Variants in KIF16B observed in about 807,000 individuals in gnomAD.
KIF16B encodes kinesin-like protein KIF16B.
In KIF16B, 98 loss-of-function variants were observed where a neutral mutation model predicts 156.3. That is an observed-to-expected ratio of 0.63 (90% CI 0.53 to 0.74). KIF16B has a LOEUF of 0.74. Ranked by LOEUF, KIF16B falls within the 30% of genes least tolerant of loss-of-function variation. The pLI is 0.00. For synonymous variants in KIF16B, 564 were observed against 583.7 expected, an observed-to-expected ratio of 0.97 and a Z score of 0.49; for missense variants, 1,421 against 1,606.5, an observed-to-expected ratio of 0.88 and a Z score of 1.97.
intron 25 of KIF16B, among the ~76,000 whole-genome samples, chr20:16,297,877 A>G (rs962628714): frequency 1.3e-5 from 2 of 152,072 alleles, no homozygotes; most frequent in South Asian, 2.1e-4. Context: ...TTAGGCCACA[A>G]TCATGTCTCC....
intron 15 of KIF16B, among the ~76,000 whole-genome samples, chr20:16,417,921 T>C (rs894659675): frequency 2.0e-5 from 3 of 151,852 alleles, no homozygotes; most frequent in Admixed American, 6.6e-5. Context: ...TTTTGTGTAA[T>C]TGTAGTCGCA....
intron 12 of KIF16B, among the ~76,000 whole-genome samples, chr20:16,469,498 T>C (rs1178726921): frequency 6.8e-6 from 1 of 146,112 alleles, no homozygotes; most frequent in Non-Finnish European, 1.5e-5. Context: ...ATCAAGGAAA[T>C]GTATAGCATT....
chr20:16,407,040 A>G (rs540833469), intron 15 of KIF16B, among the ~76,000 whole-genome samples: 11 of 152,344 alleles, frequency 7.2e-5, no homozygotes, highest in African/African-American at 2.4e-4. Context: ...ATTCCACATT[A>G]GACCCATAAG....
At chr20:16,511,382 A>G in intron 6 of KIF16B, 36 bp downstream of exon 6, 1 of 1,137,954 alleles carries the variant, frequency 8.8e-7, no homozygotes, top group South Asian at 1.5e-5. Flanking sequence ...TACATAGATC[A>G]CAAAAAGAAT....
intron 25 of KIF16B, among the ~76,000 whole-genome samples, chr20:16,292,405 A>G (rs1454100738): frequency 6.6e-6 from 1 of 152,236 alleles, no homozygotes; most frequent in Non-Finnish European, 1.5e-5. Context: ...CATATAGAAG[A>G]AAAAAGTGTT....
chr20:16,518,788 T>C (rs1002743831), intron 3 of KIF16B, among the ~76,000 whole-genome samples: 2 of 152,164 alleles, frequency 1.3e-5, no homozygotes, highest in Non-Finnish European at 1.5e-5. Flanking sequence ...ACTATAGTAG[T>C]AGACATGATA....
At chr20:16,465,379 G>A (rs1187354063) in intron 12 of KIF16B, among the ~76,000 whole-genome samples, 3 of 152,162 alleles carry the variant, frequency 2.0e-5, no homozygotes, top group Non-Finnish European at 1.5e-5. Flanking sequence ...CCTTGGAGAT[G>A]GTCAATACCA....
intron 23 of KIF16B, among the ~76,000 whole-genome samples, chr20:16,352,793 C>T (rs1330221776): frequency 1.3e-5 from 2 of 152,210 alleles, no homozygotes; most frequent in African/African-American, 2.4e-5. Flanking sequence ...ACACCCCTGG[C>T]GTGTTGTCTC....
chr20:16,559,781 CA>C (rs11087175), intron 1 of KIF16B, among the ~76,000 whole-genome samples: 98,811 of 150,200 alleles, frequency 0.66, 32,929 homozygotes, highest in African/African-American at 0.79. Flanking sequence ...GACCTTGTCT[CA>C]AAAAAAAAAT....
intron 15 of KIF16B, among the ~76,000 whole-genome samples, chr20:16,410,829 G>C (rs1382389145): frequency 6.6e-6 from 1 of 152,106 alleles, no homozygotes; most frequent in African/African-American, 2.4e-5. Flanking sequence ...GCTTATCACA[G>C]CAATTTTACA....
chr20:16,374,408 A>G lies in KIF16B; in HGVS notation c.3199T>C (p.Leu1067=). The change falls in exon 20 of 26, where the codon TTA becomes CTA. Residue 1067 remains leucine (L), a splice_region_variant and synonymous_variant. Transcript: ENST00000354981. ...QEALEKDQER[L]EYEIQQLKQK... is the part of the protein sequence containing the mutation. The stretch of plus-strand genomic sequence containing the variant: ...TTCAGCTGCTGGATTTCATATTCTA[A>G]CCTACACAGATAGGAGCCACATAAT... The G allele has an allele frequency of 6.4e-7, 1 of 1,558,060 alleles. No homozygotes were observed. The highest frequency in any genetic ancestry group is 8.7e-7 in the Non-Finnish European group (1 of 1,147,602).
intron 1 of KIF16B, among the ~76,000 whole-genome samples, chr20:16,569,046 T>C (rs184342873): frequency 3.9e-5 from 6 of 152,096 alleles, no homozygotes; most frequent in African/African-American, 4.8e-5. Context: ...AGTACCCTTA[T>C]AAAACAGGCC....
At chr20:16,370,533 T>G in intron 22 of KIF16B, 53 bp downstream of exon 22, 2 of 1,406,430 alleles carry the variant, frequency 1.4e-6, no homozygotes, top group Non-Finnish European at 1.9e-6. Context: ...TGTAATCACA[T>G]GAGCATGCCA....
chr20:16,303,646 A>T (rs2122623762), intron 25 of KIF16B, among the ~76,000 whole-genome samples: 1 of 152,370 alleles, frequency 6.6e-6, no homozygotes, highest in South Asian at 2.1e-4. Context: ...CTGAGGACAT[A>T]TTAACGGGCA....
intron 23 of KIF16B, among the ~76,000 whole-genome samples, chr20:16,342,735 CT>C (rs1379107301): frequency 6.6e-6 from 1 of 152,236 alleles, no homozygotes; most frequent in Non-Finnish European, 1.5e-5. Flanking sequence ...AAGCTTCCCA[CT>C]TTATATAACA....
At chr20:16,306,542 G>A (rs1439888203) in intron 25 of KIF16B, among the ~76,000 whole-genome samples, 5 of 152,062 alleles carry the variant, frequency 3.3e-5, no homozygotes, top group Non-Finnish European at 4.4e-5. Context: ...CAAGAGTTCC[G>A]GTATCTTCCA....
At chr20:16,487,802 A>G (rs915002340) in intron 12 of KIF16B, among the ~76,000 whole-genome samples, 1 of 152,152 alleles carries the variant, frequency 6.6e-6, no homozygotes, top group Non-Finnish European at 1.5e-5. Context: ...AGGAATATCA[A>G]GACGCCAGCT....
At chr20:16,477,271 T>C (rs6043995) in intron 12 of KIF16B, among the ~76,000 whole-genome samples, 55,607 of 148,566 alleles carry the variant, frequency 0.37, 11,980 homozygotes, top group African/African-American at 0.59. Context: ...CTGGGCTCCT[T>C]GTTCTAACAT....
At chr20:16,378,778 T>C (rs745963905) in intron 19 of KIF16B, 27 bp downstream of exon 19, 1 of 1,563,100 alleles carries the variant, frequency 6.4e-7, no homozygotes, top group Non-Finnish European at 8.6e-7. Flanking sequence ...ACCCACTGTA[T>C]GCCACACCCT....
Sources: allele counts gnomAD v4.1 joint callset (sites outside exome capture counted in the v4.1 genomes callset), GRCh38; gene constraint gnomAD v4.1.1; transcripts MANE v1.5; gene names NCBI Gene and HGNC (gene_info 2026-07-23, HGNC 2026-07-21).